RGS17: variants seen among roughly 807,000 people sequenced by gnomAD.
RGS17 encodes the protein regulator of G protein signaling 17.
A neutral mutation model predicts 25.5 loss-of-function variants in RGS17; 12 were observed. The observed-to-expected ratio is 0.47, with a 90% CI of 0.30 to 0.76. The LOEUF is 0.76. RGS17 is among the 30% of genes least tolerant of loss of function. The pLI, the probability that RGS17 is intolerant of heterozygous loss-of-function variation, is 0.07. For missense variants in RGS17, 196 were observed against 242.2 expected (o/e 0.81, Z 1.27); for synonymous variants, 71 against 76.9 (o/e 0.92, Z 0.40).
chr6:153,115,156 T>G (rs757408064), intron 1 of RGS17, among the ~76,000 whole-genome samples: 1 of 152,356 alleles, frequency 6.6e-6, no homozygotes, highest in African/African-American at 2.4e-5. Flanking sequence ...TGTTTGCAGA[T>G]AACGTGATTG....
At position 153,011,897 on chromosome 6, in the gene RGS17, T is replaced by C; in HGVS notation, c.445-135A>G. On this transcript the variant is annotated intron_variant, in intron 4 of 4. Coordinates refer to ENST00000206262, the MANE Select transcript of RGS17 (RefSeq NM_012419.5). ...CTACCAAAAGTCTTGGGTTCATCTT[T>C]TGAGACTACACAACCTTATGTACTT... 5.0e-6 allele frequency: 3 copies of C among 603,530 alleles called. No homozygotes were observed. In the South Asian group the frequency reaches 8.0e-5, roughly 16 times the overall value. The allele number at this position is 603,530 out of a possible 1,614,324, so 37.4% of individuals were successfully genotyped here. A position where few individuals can be genotyped will look rare whatever the true frequency, so the allele number is the denominator to read the frequency against.
intron 1 of RGS17, among the ~76,000 whole-genome samples, chr6:153,093,274 G>A (rs1022932835): frequency 6.6e-6 from 1 of 152,108 alleles, no homozygotes; most frequent in African/African-American, 2.4e-5. Flanking sequence ...GTGCGTTCAT[G>A]CTATCTACAG....
intron 4 of RGS17, among the ~76,000 whole-genome samples, chr6:153,020,100 TAAA>T (rs57320874): frequency 0.025 from 1,131 of 44,690 alleles, 77 homozygotes; most frequent in African/African-American, 0.089. Flanking sequence ...GCAAATATCT[TAAA>T]AAAAAAAAAT....
At chr6:153,012,959 C>A (rs1167839812) in intron 4 of RGS17, among the ~76,000 whole-genome samples, 1 of 152,082 alleles carries the variant, frequency 6.6e-6, no homozygotes, top group Non-Finnish European at 1.5e-5. Flanking sequence ...TTGCTACACC[C>A]CAGGGATGGC....
rs1284729155 is a variant in RGS17, at chr6:153,008,198, T to A, written c.*3376A>T. 1.3e-5 allele frequency: 2 copies of A among 152,138 alleles called. No homozygotes were observed. Among genetic ancestry groups the A allele is most frequent in the Admixed American group, 6.6e-5 (1 of 15,266 alleles). 9.4% of individuals were successfully genotyped at this position (152,138 alleles called of 1,614,324 possible). A position where few individuals can be genotyped will look rare whatever the true frequency, so the allele number is the denominator to read the frequency against. On this transcript the variant is annotated 3_prime_UTR_variant, in exon 5 of 5. Transcript: ENST00000206262. ...ATAGTCCTTTGGCAAAACTGAACTA[T>A]CAGGTAGATAAACAACACGTATTTC... is the stretch of plus-strand genomic sequence containing the variant.
chr6:153,005,638 A>G lies in RGS17; in HGVS notation c.*5936T>C, dbSNP rs1022543476. On this transcript the variant is annotated 3_prime_UTR_variant, in exon 5 of 5. Coordinates refer to ENST00000206262, the MANE Select transcript of RGS17 (RefSeq NM_012419.5). ...GGCACTTTACCGTTGTGTTCTTTCA[A>G]AAACCAAAAACCTGTGTCTAGTCAC... 6.6e-6 allele frequency: 1 copy of G among 152,194 alleles called. No homozygotes were observed. The highest frequency in any genetic ancestry group is 1.5e-5 in the Non-Finnish European group (1 of 68,046). The allele number at this position is 152,194 out of a possible 1,614,324, so 9.4% of individuals were successfully genotyped here.
chr6:153,128,253 C>CT (rs1394483250), intron 1 of RGS17, among the ~76,000 whole-genome samples: 1 of 152,226 alleles, frequency 6.6e-6, no homozygotes, highest in Admixed American at 6.5e-5. Context: ...AAATAAAATG[C>CT]TTTTAACATC....
intron 1 of RGS17, among the ~76,000 whole-genome samples, chr6:153,085,411 C>G (rs1777038643): frequency 6.6e-6 from 1 of 152,136 alleles, no homozygotes; most frequent in African/African-American, 2.4e-5. Context: ...TGGGTCAAAA[C>G]CAGACCCTTG....
At position 153,011,315 on chromosome 6, in the gene RGS17, C is replaced by A; in HGVS notation, c.*259G>T. On this transcript the variant is annotated 3_prime_UTR_variant, in exon 5 of 5. Coordinates refer to ENST00000206262, the MANE Select transcript of RGS17 (RefSeq NM_012419.5). Reference sequence around the variant, plus strand: ...CACGAGGAGACTGTTCATAGGACTACAAATACACTTTGCTTGCAAGTAGAA... The same window carrying A: ...CACGAGGAGACTGTTCATAGGACTAAAAATACACTTTGCTTGCAAGTAGAA... 2.3e-6 allele frequency: 1 copy of A among 436,444 alleles called. No individual in the cohort carries two copies. Among genetic ancestry groups the A allele is most frequent in the Non-Finnish European group, 4.1e-6 (1 of 243,924 alleles). The allele number at this position is 436,444 out of a possible 1,614,324, so 27.0% of individuals were successfully genotyped here.
intron 4 of RGS17, among the ~76,000 whole-genome samples, chr6:153,018,691 G>A (rs947173492): frequency 6.6e-6 from 1 of 152,166 alleles, no homozygotes; most frequent in Non-Finnish European, 1.5e-5. Context: ...ATTTCAACAA[G>A]ATTTGTCTGT....
intron 4 of RGS17, 80 bp downstream of exon 4, chr6:153,024,182 C>T: frequency 2.3e-6 from 2 of 884,498 alleles, no homozygotes; most frequent in Non-Finnish European, 3.6e-6. Flanking sequence ...CACCCCATGC[C>T]CTACCCAATG....
intron 1 of RGS17, among the ~76,000 whole-genome samples, chr6:153,121,270 T>C (rs1028810281): frequency 2.0e-5 from 3 of 152,334 alleles, no homozygotes; most frequent in East Asian, 1.9e-4. Flanking sequence ...CTTTTCTCTC[T>C]TTCCTTTGTT....
At chr6:153,048,026 T>A (rs9371276) in intron 1 of RGS17, among the ~76,000 whole-genome samples, 2 of 151,910 alleles carry the variant, frequency 1.3e-5, no homozygotes, top group African/African-American at 4.8e-5. Context: ...ATGAACTCAT[T>A]GAGACTTTTT....
At chr6:153,096,592 C>G (rs574696871) in intron 1 of RGS17, among the ~76,000 whole-genome samples, 1 of 152,136 alleles carries the variant, frequency 6.6e-6, no homozygotes, top group Non-Finnish European at 1.5e-5. Context: ...ATCTCAAGTC[C>G]CTTCCAATTC....
chr6:153,058,929 G>T (rs1776600031), intron 1 of RGS17, among the ~76,000 whole-genome samples: 2 of 150,498 alleles, frequency 1.3e-5, no homozygotes, highest in Non-Finnish European at 3.0e-5. Flanking sequence ...CCATTTTTAT[G>T]ATTATATTAA....
intron 1 of RGS17, among the ~76,000 whole-genome samples, chr6:153,093,686 G>A (rs766760546): frequency 6.6e-6 from 1 of 152,182 alleles, no homozygotes; most frequent in Non-Finnish European, 1.5e-5. Context: ...GAACAGAAAG[G>A]CACCCAGAAT....
intron 1 of RGS17, among the ~76,000 whole-genome samples, chr6:153,090,626 C>CA (rs111492021): frequency 8.2e-4 from 122 of 148,306 alleles, no homozygotes; most frequent in African/African-American, 8.4e-4. Context: ...GGCCTTGTCA[C>CA]AAAAAAAAAG....
rs1316716359 is a variant in RGS17 at position 153,006,965 on chromosome 6, T to C, written c.*4609A>G. 2.0e-5 allele frequency: 3 copies of C among 152,210 alleles called. No individual in the cohort carries two copies. The highest frequency in any genetic ancestry group is 2.1e-4 in the South Asian group (1 of 4,830). The allele number at this position is 152,210 out of a possible 1,614,324, so 9.4% of individuals were successfully genotyped here. ...TCCATTAGTAACCTTACTCATCTTA[T>C]AGCTTTTGTCATAGGAAGAAAATCA... On this transcript the variant is annotated 3_prime_UTR_variant, in exon 5 of 5. Transcript: ENST00000206262.
At chr6:153,030,462 T>A (rs1779348362) in intron 2 of RGS17, among the ~76,000 whole-genome samples, 1 of 152,198 alleles carries the variant, frequency 6.6e-6, no homozygotes, top group African/African-American at 2.4e-5. Context: ...AAAATTAAAC[T>A]GAAGAATCAA....
Sources: allele counts gnomAD v4.1 joint callset (sites outside exome capture counted in the v4.1 genomes callset), GRCh38; gene constraint gnomAD v4.1.1; transcripts MANE v1.5; gene names NCBI Gene and HGNC (gene_info 2026-07-23, HGNC 2026-07-21).